The following CDS1 variants were observed in gnomAD, a reference collection of about 807,000 sequenced individuals.
CDS1 encodes CDP-diacylglycerol synthase 1.
Under a neutral mutation model 62.1 loss-of-function variants are expected in CDS1, and 41 were observed. The observed-to-expected ratio is 0.66, with a 90% CI of 0.51 to 0.86. CDS1 has a LOEUF of 0.86. Among genes scored for constraint, CDS1 ranks in the 40% least tolerant of loss-of-function variants. The pLI, the probability that CDS1 is intolerant of heterozygous loss-of-function variation, is 0.00. For missense variants in CDS1, 470 were observed against 550.1 expected (o/e 0.85, Z 1.46); for synonymous variants, 185 against 192.6 (o/e 0.96, Z 0.32).
chr4:84,609,480 G>T lies in CDS1; in HGVS notation c.297G>T (p.Leu99Phe), dbSNP rs36068434. ...RGILTLTMIS[L>F]FFLIIYMGSF... ...TTCTCACTCTAACTATGATCTCGTT[G>T]TTTTTCCTGATCATCTATATGGGAT... The change falls in exon 3 of 13, where the codon TTG (leucine) becomes TTT (phenylalanine). Residue 99 changes from leucine (L) to phenylalanine (F), a missense_variant. Around this residue, in one of 5 missense-constraint regions of CDS1, gnomAD observed 150 missense variants for 142.0 expected, o/e 1.06. Transcript: ENST00000295887. 0.036 allele frequency: 58,329 copies of T among 1,609,846 alleles called. 1,235 individuals carry two copies. Among genetic ancestry groups the T allele is most frequent in the South Asian group, 0.043 (3,929 of 90,798 alleles).
At chr4:84,610,907 G>T (rs575231131) in intron 3 of CDS1, among the ~76,000 whole-genome samples, 1 of 152,262 alleles carries the variant, frequency 6.6e-6, no homozygotes, top group South Asian at 2.1e-4. Context: ...ATTGCCTAAC[G>T]ATGCATTTCT....
chr4:84,635,453 G>T, intron 8 of CDS1, 102 bp downstream of exon 8: 1 of 740,780 alleles, frequency 1.3e-6, no homozygotes, highest in South Asian at 1.5e-5. Flanking sequence ...TTATTTTTGA[G>T]GTGCTTTGAT....
At chr4:84,640,640 A>G (rs755978801) in intron 9 of CDS1, among the ~76,000 whole-genome samples, 198 bp from the exon 10 acceptor site, 2 of 152,086 alleles carry the variant, frequency 1.3e-5, no homozygotes, top group Admixed American at 6.6e-5. Flanking sequence ...TTTTTTTTCT[A>G]AAGGTCTTTT....
intron 5 of CDS1, among the ~76,000 whole-genome samples, chr4:84,621,334 T>C (rs920462850): frequency 6.6e-6 from 1 of 152,174 alleles, no homozygotes; most frequent in Non-Finnish European, 1.5e-5. Flanking sequence ...TTTAAAAATA[T>C]ACAGAGTATG....
chr4:84,626,669 C>T lies in CDS1; in HGVS notation c.581-5150C>T, dbSNP rs140308262. Among the ~76,000 whole-genome samples, 9 of 152,288 alleles carry T rather than the reference C, an allele frequency of 5.9e-5. No individual in the cohort carries two copies. In the East Asian group the frequency reaches 1.7e-3, roughly 29 times the overall value. Reference sequence around the variant, plus strand: ...GATGTAACTTCCAGTATAAAACAGGCATAGAATACTATATGTCTATTATCA... The same window carrying T: ...GATGTAACTTCCAGTATAAAACAGGTATAGAATACTATATGTCTATTATCA... On this transcript the variant is annotated intron_variant, in intron 5 of 12. Coordinates refer to ENST00000295887, the MANE Select transcript of CDS1 (RefSeq NM_001263.4).
chr4:84,628,444 G>A (rs1349246486), intron 5 of CDS1, among the ~76,000 whole-genome samples: 1 of 151,916 alleles, frequency 6.6e-6, no homozygotes, highest in Non-Finnish European at 1.5e-5. Context: ...AATTCCCTCT[G>A]TCTCATCTAT....
rs548958324 is a variant in CDS1 at position 84,641,075 on chromosome 4, A to T, written c.1032+85A>T. The T allele has an allele frequency of 6.3e-4, 538 of 854,580 alleles. 8 individuals are homozygous for T. In the South Asian group the frequency reaches 0.021, roughly 33 times the overall value. 52.9% of individuals were successfully genotyped at this position (854,580 alleles called of 1,614,324 possible). On this transcript the variant is annotated intron_variant, in intron 10 of 12. Coordinates refer to ENST00000295887, the MANE Select transcript of CDS1 (RefSeq NM_001263.4). ...CCTTTATTATTTATTTATTTATTTA[A>T]TTAATTTATTGTTGTTTTGAGACAG... is the stretch of plus-strand genomic sequence containing the variant.
intron 3 of CDS1, among the ~76,000 whole-genome samples, chr4:84,611,598 C>T (rs1723326422): frequency 6.6e-6 from 1 of 152,184 alleles, no homozygotes; most frequent in Non-Finnish European, 1.5e-5. Flanking sequence ...TTTATAAGCA[C>T]CTCAAAGCCT....
Position 84,583,485 on chromosome 4 carries a change from C to T in CDS1, c.84C>T (p.Gly28=). 2 of 1,552,138 alleles carry T rather than the reference C, an allele frequency of 1.3e-6. No homozygotes were observed. Among genetic ancestry groups the T allele is most frequent in the Non-Finnish European group, 1.7e-6 (2 of 1,151,208 alleles). The change falls in exon 1 of 13, where the codon GGC becomes GGT. Residue 28 remains glycine, a synonymous_variant. Coordinates refer to ENST00000295887, the MANE Select transcript of CDS1 (RefSeq NM_001263.4). ...SPPHREGEAA[G]GDHETESTSD... ...CACACCGCGAGGGAGAGGCGGCCGG[C>T]GGCGACCACGAAACCGAGAGCACCA... is the stretch of plus-strand genomic sequence containing the variant.
chr4:84,607,482 G>C (rs192879153), intron 2 of CDS1, among the ~76,000 whole-genome samples: 230 of 147,758 alleles, frequency 1.6e-3, no homozygotes, highest in African/African-American at 5.5e-3. Flanking sequence ...ACCACCACGC[G>C]CAGCTAAGTT....
chr4:84,626,275 TA>T (rs1723858596), intron 5 of CDS1, among the ~76,000 whole-genome samples: 1 of 152,242 alleles, frequency 6.6e-6, no homozygotes, highest in Admixed American at 6.5e-5. Flanking sequence ...GTTGTTTATA[TA>T]TCACAAGTTA....
chr4:84,616,929 C>A (rs1394980639), intron 3 of CDS1, among the ~76,000 whole-genome samples: 1 of 152,132 alleles, frequency 6.6e-6, no homozygotes, highest in Non-Finnish European at 1.5e-5. Context: ...AGTTGACTGG[C>A]CAAAGTGGCT....
At position 84,617,540 on chromosome 4, in the gene CDS1, G is replaced by A. The variant is rs372468966; in HGVS notation, c.343-24G>A. The A allele has an allele frequency of 1.4e-4, 160 of 1,139,118 alleles. 1 individual carries two copies. The highest frequency in any genetic ancestry group is 2.0e-4 in the Non-Finnish European group (151 of 753,046). The allele number at this position is 1,139,118 out of a possible 1,614,324, so 70.6% of individuals were successfully genotyped here. ...CAAATGTAAACATTGAGAAATGTAT[G>A]TTAATGTTTTCTCTTGGTTTCAGGT... On this transcript the variant is annotated intron_variant, in intron 3 of 12. Coordinates refer to ENST00000295887, the MANE Select transcript of CDS1 (RefSeq NM_001263.4).
chr4:84,614,957 ATTG>A (rs1258480855), intron 3 of CDS1, among the ~76,000 whole-genome samples: 2 of 152,150 alleles, frequency 1.3e-5, no homozygotes, highest in East Asian at 1.9e-4. Context: ...GTCATGGCAC[ATTG>A]TTGTTTCAGC....
intron 5 of CDS1, among the ~76,000 whole-genome samples, chr4:84,621,679 G>C (rs1723691828): frequency 6.6e-6 from 1 of 152,106 alleles, no homozygotes; most frequent in South Asian, 2.1e-4. Context: ...CTTCCGCCTT[G>C]GCCTCCCAAA....
At chr4:84,645,416 A>C (rs147675951) in intron 12 of CDS1, 91 bp downstream of exon 12, 2 of 757,860 alleles carry the variant, frequency 2.6e-6, no homozygotes, top group Non-Finnish European at 4.6e-6. Context: ...TTTTCCGTCA[A>C]TGGTAATCTA....
chr4:84,632,262 A>G (rs1724044338), intron 6 of CDS1, among the ~76,000 whole-genome samples: 1 of 152,162 alleles, frequency 6.6e-6, no homozygotes. Context: ...TGGCGTGCGC[A>G]TAAAGCAGCA....
intron 1 of CDS1, among the ~76,000 whole-genome samples, chr4:84,601,593 C>T (rs1228490578): frequency 2.0e-5 from 3 of 152,028 alleles, no homozygotes; most frequent in Admixed American, 6.6e-5. Flanking sequence ...GAAGCAGCTA[C>T]GAATTTTTAG....
At chr4:84,608,205 G>T (rs1042785407) in intron 2 of CDS1, among the ~76,000 whole-genome samples, 2 of 152,182 alleles carry the variant, frequency 1.3e-5, no homozygotes, top group Non-Finnish European at 2.9e-5. Flanking sequence ...ACGGAGTCTC[G>T]CTCAGTCGCC....
Sources: allele counts gnomAD v4.1 joint callset (sites outside exome capture counted in the v4.1 genomes callset), GRCh38; gene constraint gnomAD v4.1.1; regional missense constraint gnomAD v4.1.1; transcripts MANE v1.5; gene names NCBI Gene and HGNC (gene_info 2026-07-23, HGNC 2026-07-21).